The following NPC1L1 variants were observed in gnomAD, a reference collection of about 807,000 sequenced individuals.
NPC1L1 encodes the protein NPC1 like intracellular cholesterol transporter 1, also known as NPC1-like intracellular cholesterol transporter 1.
In NPC1L1, 98 loss-of-function variants were observed where a neutral mutation model predicts 117.0. That is an observed-to-expected ratio of 0.84 (90% CI 0.71 to 0.99). The LOEUF (loss-of-function observed/expected upper bound fraction) is 0.99, where lower values mean the gene tolerates loss of function less well. Ranked by LOEUF, NPC1L1 falls within the 50% of genes least tolerant of loss-of-function variation. The probability of loss-of-function intolerance (pLI) is 0.00; values close to 1 mark genes in which losing one functional copy is unlikely to be tolerated. For synonymous variants in NPC1L1, 729 were observed against 727.6 expected (o/e 1.00, Z -0.03); for missense variants, 1,540 against 1,710.0 (o/e 0.90, Z 1.75).
In NPC1L1 at chr7:44,539,155, A is replaced by G. The variant is rs1801996217; in HGVS notation, c.1242T>C (p.Ala414=). The G allele has an allele frequency of 2.5e-6, 4 of 1,613,950 alleles. No homozygotes were observed. The highest frequency in any genetic ancestry group is 3.3e-5 in the Admixed American group (2 of 60,000). The part of the protein sequence containing the change: ...FFRTNQVILT[A]PNRSSYRYDS... ...CATACCTGTAGCTGGACCGGTTAGG[A>G]GCCGTCAGGATCACCTGGTTGGTTC... Residue 414 remains alanine, a synonymous_variant, in exon 2 of 19, where the codon GCT becomes GCC. Coordinates refer to ENST00000381160, the MANE Select transcript of NPC1L1 (RefSeq NM_001101648.2). This position sits in a 1 kb window ranked among gnomAD's most constrained non-coding sequence, Gnocchi z 4.4.
rs765412909 is a variant in NPC1L1, at chr7:44,536,477, C to G, written c.1682-49G>C. On this transcript the variant is annotated intron_variant, in intron 3 of 18. Transcript: ENST00000381160. The surrounding 1 kb of genome is among the most constrained non-coding windows in gnomAD (Gnocchi z 4.7). ...CTTCCTGCTGCACCCGTGCCTCCCT[C>G]CCCCTCCAGCTGCACCCCTATATTC... 2 of 1,591,020 alleles carry G rather than the reference C, an allele frequency of 1.3e-6. No homozygotes were observed. The highest frequency in any genetic ancestry group is 1.7e-6 in the Non-Finnish European group (2 of 1,170,462).
rs750146943 is a variant in NPC1L1, at chr7:44,532,167, C to G, written c.2460G>C (p.Pro820=). The part of the protein sequence containing the change: ...CCCVKPQELP[P]PGQGEGLLLG... ...GCAGGAGCCCCTCTCCCTGGCCAGG[C>G]GGGGGCAGCTCCTGGGGCTTGACAC... is the stretch of plus-strand genomic sequence containing the variant. The change falls in exon 9 of 19, where the codon CCG becomes CCC. Residue 820 remains proline, a synonymous_variant. Transcript: ENST00000381160. The G allele has an allele frequency of 3.7e-6, 6 of 1,613,994 alleles. No individual in the cohort carries two copies. The highest frequency in any genetic ancestry group is 5.1e-6 in the Non-Finnish European group (6 of 1,180,006).
At chr7:44,516,628 C>T in intron 16 of NPC1L1, 75 bp downstream of exon 16, 1 of 1,186,530 alleles carries the variant, frequency 8.4e-7, no homozygotes, top group Non-Finnish European at 1.2e-6. Flanking sequence ...CAAAAAAGAA[C>T]TAGGAGTATT....
rs564988408 is a variant in NPC1L1, at chr7:44,540,241, G to C, written c.156C>G (p.Leu52=). The part of the protein sequence containing the change: ...NPELSGSLMT[L]SNVSCLSNTP... Reference sequence around the variant, plus strand: ...TGTTGGACAGGCAGGACACGTTGGAGAGTGTCATGAGGCTTCCAGACAGCT... The same window carrying C: ...TGTTGGACAGGCAGGACACGTTGGACAGTGTCATGAGGCTTCCAGACAGCT... The change falls in exon 2 of 19, where the codon CTC becomes CTG. Residue 52 remains leucine, a synonymous_variant. Transcript: ENST00000381160. 1.2e-5 allele frequency: 20 copies of C among 1,614,084 alleles called. No individual in the cohort carries two copies. The East Asian group carries it at 1.8e-4, about 14-fold the overall frequency.
chr7:44,533,402 T>C, intron 8 of NPC1L1, 29 bp downstream of exon 8: 3 of 1,612,896 alleles, frequency 1.9e-6, no homozygotes, highest in Non-Finnish European at 2.5e-6. Context: ...CAGGGGCAGG[T>C]CCCTCAGTAC....
chr7:44,540,325 G>A lies in NPC1L1; in HGVS notation c.72C>T (p.Tyr24=). The A allele has an allele frequency of 8.1e-6, 13 of 1,613,018 alleles. No homozygotes were observed. Among genetic ancestry groups the A allele is most frequent in the Non-Finnish European group, 1.1e-5 (13 of 1,179,998 alleles). The change falls in exon 2 of 19, where the codon TAC becomes TAT. Residue 24 remains tyrosine (Y), a synonymous_variant. Transcript: ENST00000381160. ...LLLRLAQSEP[Y]TTIHQPGYCA... The stretch of plus-strand genomic sequence containing the variant: ...AGTAGCCAGGCTGGTGGATGGTTGT[G>A]TAAGGCTCACTCTGGGCCTGCAGAG...
intron 14 of NPC1L1, among the ~76,000 whole-genome samples, chr7:44,519,311 A>G (rs1801283534): frequency 6.6e-6 from 1 of 152,120 alleles, no homozygotes; most frequent in African/African-American, 2.4e-5. Context: ...AAGGTCAGAG[A>G]TGGTGCAGAC....
intron 12 of NPC1L1, 82 bp from the exon 13 acceptor site, chr7:44,521,200 C>T (rs1801343419): frequency 1.3e-6 from 2 of 1,592,964 alleles, no homozygotes; most frequent in Non-Finnish European, 8.6e-7. Context: ...CCAACAATCC[C>T]ATCAAAGGTC....
intron 10 of NPC1L1, among the ~76,000 whole-genome samples, chr7:44,531,379 A>G (rs2117056796): frequency 6.6e-6 from 1 of 152,188 alleles, no homozygotes; most frequent in African/African-American, 2.4e-5. Flanking sequence ...GTCCCCTCCA[A>G]CCACGGGGCT....
intron 10 of NPC1L1, 55 bp from the exon 11 acceptor site, chr7:44,522,297 G>T: frequency 6.7e-7 from 1 of 1,492,270 alleles, no homozygotes; most frequent in Non-Finnish European, 9.2e-7. Context: ...CCCCTAAAGG[G>T]CTCAATCCAG....
Position 44,536,386 on chromosome 7 carries a change from G to C in NPC1L1, c.1724C>G (p.Ser575Cys), listed in dbSNP as rs750779211. Residue 575 changes from serine to cysteine, a missense_variant, in exon 4 of 19, where the codon TCC (serine) becomes TGC (cysteine). Ser to Cys is a moderately radical substitution (Grantham distance 112, BLOSUM62 -1). Transcript: ENST00000381160. This position sits in a 1 kb window ranked among gnomAD's most constrained non-coding sequence, Gnocchi z 4.7. ...GTCCCCGGCAGGGTAATTGTTGAGG[G>C]AGAACGTCATGATCAGGGCCTCTGC... ...SEAEALIMTF[S>C]LNNYPAGDPR... is the part of the protein sequence containing the mutation. 4 of 1,614,016 alleles carry C rather than the reference G, an allele frequency of 2.5e-6. No individual in the cohort carries two copies. The highest frequency in any genetic ancestry group is 2.5e-6 in the Non-Finnish European group (3 of 1,180,018).
intron 18 of NPC1L1, 125 bp downstream of exon 18, chr7:44,515,678 T>G: frequency 8.7e-7 from 1 of 1,151,046 alleles, no homozygotes; most frequent in Admixed American, 1.7e-5. Context: ...ATGGTCATAG[T>G]CCTGGCTTCT....
chr7:44,517,251 C>A lies in NPC1L1; in HGVS notation c.3243G>T (p.Arg1081=), dbSNP rs776045194. ...ELAANITADL[R]KVPGTDPAFE... ...AAGCCGGGTCTGTTCCAGGCACTTT[C>A]CGCAGGTCAGCAGTGATGTTGGCTG... The change falls in exon 15 of 19, where the codon CGG becomes CGT. Residue 1081 remains arginine (R), a synonymous_variant. Transcript: ENST00000381160. The A allele has an allele frequency of 1.9e-6, 3 of 1,614,192 alleles. No individual in the cohort carries two copies. The highest frequency in any genetic ancestry group is 1.7e-4 in the Middle Eastern group (1 of 6,058).
chr7:44,525,264 ATT>A (rs113263098), intron 10 of NPC1L1, among the ~76,000 whole-genome samples: 3 of 147,936 alleles, frequency 2.0e-5, no homozygotes, highest in Admixed American at 6.8e-5. Context: ...GGATATTATA[ATT>A]TTTTTTTTTT....
intron 12 of NPC1L1, among the ~76,000 whole-genome samples, chr7:44,521,498 T>C (rs188388506): frequency 6.6e-6 from 1 of 152,098 alleles, no homozygotes; most frequent in African/African-American, 2.4e-5. Flanking sequence ...TACACAGCAG[T>C]ATACATGTGT....
In NPC1L1 at chr7:44,539,403, A is replaced by G; in HGVS notation, c.994T>C (p.Ser332Pro). The change falls in exon 2 of 19, where the codon TCC (serine) becomes CCC (proline). Residue 332 changes from serine (S) to proline (P), a missense_variant. Physicochemically the swap from Ser to Pro is moderately conservative, Grantham distance 74 (BLOSUM62 -1). This residue lies in a region of NPC1L1 where 793 missense variants were observed against 820.4 expected (regional missense o/e 0.97). Transcript: ENST00000381160. The surrounding 1 kb of genome is among the most constrained non-coding windows in gnomAD (Gnocchi z 4.4). ...AACTGGCCAAGGAGGGTGTGGGTGG[A>G]GAAGCTGAGCTTGTCAGAGAGGCTG... ...GTSLSDKLSF[S>P]THTLLGQFFQ... is the part of the protein sequence containing the mutation. The G allele has an allele frequency of 1.9e-6, 3 of 1,614,046 alleles. 1 individual carries two copies. Among genetic ancestry groups the G allele is most frequent in the Non-Finnish European group, 2.5e-6 (3 of 1,179,956 alleles).
At chr7:44,540,971 C>G (rs939411071) in intron 1 of NPC1L1, among the ~76,000 whole-genome samples, 3 of 152,092 alleles carry the variant, frequency 2.0e-5, no homozygotes, top group African/African-American at 7.2e-5. Context: ...TTGGAGCACC[C>G]CAGTCCAGCA....
chr7:44,538,717 C>T lies in NPC1L1; in HGVS notation c.1580+100G>A. 1 of 1,223,156 alleles carries T rather than the reference C, an allele frequency of 8.2e-7. No homozygotes were observed. Among genetic ancestry groups the T allele is most frequent in the South Asian group, 1.2e-5 (1 of 82,998 alleles). The allele number at this position is 1,223,156 out of a possible 1,614,324, so 75.8% of individuals were successfully genotyped here. A position where few individuals can be genotyped will look rare whatever the true frequency, so the allele number is the denominator to read the frequency against. On this transcript the variant is annotated intron_variant, in intron 2 of 18. Coordinates refer to ENST00000381160, the MANE Select transcript of NPC1L1 (RefSeq NM_001101648.2). This position sits in a 1 kb window ranked among gnomAD's most constrained non-coding sequence, Gnocchi z 5.9. Reference sequence around the variant, plus strand: ...GCCGTAGGAATAGCTACCTCTGGTCCTTCAGGACCAGCTGTATGCCCGGCC... The same window carrying T: ...GCCGTAGGAATAGCTACCTCTGGTCTTTCAGGACCAGCTGTATGCCCGGCC...
In NPC1L1 at chr7:44,533,940, G is replaced by A. The variant is rs1369988566; in HGVS notation, c.2167-87C>T. On this transcript the variant is annotated intron_variant, in intron 6 of 18. Transcript: ENST00000381160. Reference sequence around the variant, plus strand: ...AGCAGGGAGTTGGCAAGTGCCCAGAGCTGCAGCCAGGCCTGAGGAGCTGCT... The same window carrying A: ...AGCAGGGAGTTGGCAAGTGCCCAGAACTGCAGCCAGGCCTGAGGAGCTGCT... 7 of 1,092,606 alleles carry A rather than the reference G, an allele frequency of 6.4e-6. No individual in the cohort carries two copies. The East Asian group carries it at 1.8e-4, about 28-fold the overall frequency. 67.7% of individuals were successfully genotyped at this position (1,092,606 alleles called of 1,614,324 possible).
Sources: gnomAD v4.1 joint callset for allele counts (sites outside exome capture counted in the v4.1 genomes callset) on GRCh38, gnomAD v4.1.1 for gene constraint, gnomAD v4.1.1 regional missense constraint, Gnocchi (gnomAD v3.1) non-coding constraint, MANE v1.5 for transcripts, NCBI Gene and HGNC (gene_info 2026-07-23, HGNC 2026-07-21) for gene names.